Variants in PDE3A observed in about 807,000 individuals in gnomAD.
PDE3A encodes the protein cGMP-inhibited 3',5'-cyclic phosphodiesterase 3A.
In PDE3A, 43 loss-of-function variants were observed where a neutral mutation model predicts 98.3. The ratio of observed to expected loss-of-function variants is 0.44; its 90% CI spans 0.34 to 0.56. PDE3A has a LOEUF of 0.56. PDE3A is among the 20% of genes least tolerant of loss of function. The probability of loss-of-function intolerance (pLI) is 0.01; values close to 1 mark genes in which losing one functional copy is unlikely to be tolerated. For missense variants in PDE3A, 1,427 were observed against 1,440.7 expected, an observed-to-expected ratio of 0.99 and a Z score of 0.15; for synonymous variants, 663 against 567.9, an observed-to-expected ratio of 1.17 and a Z score of -2.38.
chr12:20,372,454 C>A (rs1044042958), intron 1 of PDE3A, among the ~76,000 whole-genome samples: 1 of 151,968 alleles, frequency 6.6e-6, no homozygotes, highest in Non-Finnish European at 1.5e-5. Flanking sequence ...ATATATGACC[C>A]ATTAAAAGTT....
At chr12:20,610,360 C>CTGTT (rs1174369781) in intron 2 of PDE3A, among the ~76,000 whole-genome samples, 2 of 151,902 alleles carry the variant, frequency 1.3e-5, no homozygotes, top group African/African-American at 4.8e-5. Context: ...CACTTCACTC[C>CTGTT]TGTTAGGATG....
chr12:20,640,617 T>C (rs749044386), intron 10 of PDE3A, among the ~76,000 whole-genome samples: 9 of 152,138 alleles, frequency 5.9e-5, no homozygotes, highest in Non-Finnish European at 1.2e-4. Flanking sequence ...TTGAGTCTTG[T>C]GGGAATAAGT....
chr12:20,491,215 G>A (rs565091747), intron 1 of PDE3A, among the ~76,000 whole-genome samples: 6 of 152,326 alleles, frequency 3.9e-5, no homozygotes, highest in South Asian at 4.1e-4. Flanking sequence ...TACCCAAACC[G>A]AAAGTGAACA....
intron 1 of PDE3A, among the ~76,000 whole-genome samples, chr12:20,442,255 G>A (rs1284621115): frequency 6.6e-6 from 1 of 152,126 alleles, no homozygotes; most frequent in Non-Finnish European, 1.5e-5. Context: ...CCATATTCAT[G>A]ACCTGTTTTG....
chr12:20,459,326 G>T (rs1179567757), intron 1 of PDE3A, among the ~76,000 whole-genome samples: 2 of 152,070 alleles, frequency 1.3e-5, no homozygotes, highest in East Asian at 3.9e-4. Flanking sequence ...GGATAGTTGT[G>T]AAATCTTTCC....
At chr12:20,493,909 C>A (rs915562890) in intron 1 of PDE3A, among the ~76,000 whole-genome samples, 2 of 152,212 alleles carry the variant, frequency 1.3e-5, no homozygotes, top group African/African-American at 2.4e-5. Context: ...GGATTACAGG[C>A]GTGAGCCAGC....
intron 1 of PDE3A, among the ~76,000 whole-genome samples, chr12:20,434,593 G>A (rs1241849376): frequency 6.6e-6 from 1 of 152,062 alleles, no homozygotes; most frequent in Non-Finnish European, 1.5e-5. Context: ...TGGCAGGGAC[G>A]GGGAAAGCAG....
Position 20,687,617 on chromosome 12 carries a change from A to G in PDE3A, c.*7346A>G, listed in dbSNP as rs1408522458. On this transcript the variant is annotated 3_prime_UTR_variant, in exon 16 of 16. Coordinates refer to ENST00000359062, the MANE Select transcript of PDE3A (RefSeq NM_000921.5). ...TAGTTGATAAGCACTGGTAATAAAT[A>G]TCACTGAACCCACCCACCCCCTGAT... Among the ~76,000 whole-genome samples, 2 of 152,032 alleles carry G rather than the reference A, an allele frequency of 1.3e-5. No homozygotes were observed. Among genetic ancestry groups the G allele is most frequent in the Non-Finnish European group, 1.5e-5 (1 of 67,952 alleles).
chr12:20,553,035 G>A lies in PDE3A; in HGVS notation c.961-3625G>A, dbSNP rs561809869. ...GATCTCCAAGCACTTCTCGACAGGC[G>A]TTTTGCTGAAAACGTGTCGGAGGGC... is the stretch of plus-strand genomic sequence containing the variant. On this transcript the variant is annotated intron_variant, in intron 1 of 15. Transcript: ENST00000359062. 3.5e-5 allele frequency: 51 copies of A among 1,451,164 alleles called. No homozygotes were observed. The East Asian group carries it at 7.9e-4, about 22-fold the overall frequency. 89.9% of individuals were successfully genotyped at this position (1,451,164 alleles called of 1,614,324 possible).
At chr12:20,548,585 C>T (rs1229901727) in intron 1 of PDE3A, among the ~76,000 whole-genome samples, 2 of 152,096 alleles carry the variant, frequency 1.3e-5, no homozygotes, top group African/African-American at 4.8e-5. Flanking sequence ...ATCTTAAAAT[C>T]ATTAGCATTC....
intron 1 of PDE3A, among the ~76,000 whole-genome samples, chr12:20,478,880 A>C (rs1394295798): frequency 6.6e-6 from 1 of 152,152 alleles, no homozygotes; most frequent in African/African-American, 2.4e-5. Context: ...TTTTGCCTAG[A>C]TTTTTGGATA....
intron 2 of PDE3A, among the ~76,000 whole-genome samples, chr12:20,566,516 ATT>A (rs11339084): frequency 2.7e-5 from 4 of 148,298 alleles, no homozygotes; most frequent in East Asian, 3.9e-4. Context: ...TTAAAAGGGT[ATT>A]TTTTTTTTTA....
intron 1 of PDE3A, among the ~76,000 whole-genome samples, chr12:20,508,863 T>C (rs1946166027): frequency 6.6e-6 from 1 of 150,788 alleles, no homozygotes; most frequent in Non-Finnish European, 1.5e-5. Context: ...CTTCAGTACT[T>C]TTTTTTTTAA....
At chr12:20,508,844 G>T (rs1195306119) in intron 1 of PDE3A, among the ~76,000 whole-genome samples, 9 of 149,990 alleles carry the variant, frequency 6.0e-5, no homozygotes, top group African/African-American at 1.5e-4. Flanking sequence ...CTGGGTTTTT[G>T]ATTGTTTTCT....
At chr12:20,400,275 G>C (rs761966487) in intron 1 of PDE3A, among the ~76,000 whole-genome samples, 6 of 151,810 alleles carry the variant, frequency 4.0e-5, no homozygotes, top group Non-Finnish European at 7.4e-5. Context: ...GAAAGACCTC[G>C]AGAGTCCTGC....
intron 1 of PDE3A, among the ~76,000 whole-genome samples, chr12:20,536,970 T>C (rs144246365): frequency 1.3e-3 from 205 of 152,182 alleles, no homozygotes; most frequent in Non-Finnish European, 2.5e-3. Flanking sequence ...TGTCAAATGG[T>C]TTTCCAAAGT....
At chr12:20,406,755 C>T (rs1183460659) in intron 1 of PDE3A, among the ~76,000 whole-genome samples, 1 of 151,998 alleles carries the variant, frequency 6.6e-6, no homozygotes. Context: ...CCTATGCTTT[C>T]GGTGTCATAC....
At chr12:20,473,758 A>AT (rs1315923896) in intron 1 of PDE3A, among the ~76,000 whole-genome samples, 2 of 151,646 alleles carry the variant, frequency 1.3e-5, no homozygotes, top group African/African-American at 2.4e-5. Context: ...TCTTTGACTC[A>AT]TTTTTTTCAT....
At chr12:20,441,141 C>G (rs1333319266) in intron 1 of PDE3A, among the ~76,000 whole-genome samples, 1 of 152,034 alleles carries the variant, frequency 6.6e-6, no homozygotes, top group African/African-American at 2.4e-5. Flanking sequence ...GAAAATAGAA[C>G]ATAATTGAGA....
Sources: gnomAD v4.1 joint callset for allele counts (sites outside exome capture counted in the v4.1 genomes callset) on GRCh38, gnomAD v4.1.1 for gene constraint, MANE v1.5 for transcripts, NCBI Gene and HGNC (gene_info 2026-07-23, HGNC 2026-07-21) for gene names.